ST7: variants seen among roughly 807,000 people sequenced by gnomAD.
ST7 encodes suppressor of tumorigenicity 7 protein.
ST7 carries 28 observed loss-of-function variants against 78.7 expected under a neutral mutation model. That is an observed-to-expected ratio of 0.36 (90% confidence interval 0.26 to 0.49). The LOEUF (loss-of-function observed/expected upper bound fraction) is 0.49. ST7 is among the 20% of genes least tolerant of loss of function. The pLI is 0.99. For synonymous variants in ST7, 247 were observed against 249.6 expected (o/e 0.99, Z 0.10); for missense variants, 418 against 696.0 (o/e 0.60, Z 4.49).
At chr7:117,228,590 G>A (rs949135061) in intron 15 of ST7, among the ~76,000 whole-genome samples, 2 of 152,120 alleles carry the variant, frequency 1.3e-5, no homozygotes, top group African/African-American at 4.8e-5. Context: ...TGAAACAACA[G>A]GACAGATTCT....
In ST7 at chr7:117,111,872, A is replaced by G. The variant is rs1394519238; in HGVS notation, c.235-7689A>G. On this transcript the variant is annotated intron_variant, in intron 2 of 15. Coordinates refer to ENST00000323984, the MANE Select transcript of ST7 (RefSeq NM_001369598.1). ...TTCGCTTTTGAGAGTGGTAAGGTGG[A>G]TATGTGCAGAAAATGCTCCCCTTAA... is the stretch of plus-strand genomic sequence containing the variant. 2.0e-5 allele frequency among the ~76,000 whole-genome samples: 3 copies of G among 152,188 alleles called. 1 individual carries two copies. Among genetic ancestry groups the G allele is most frequent in the Admixed American group, 2.0e-4 (3 of 15,276 alleles).
intron 1 of ST7, among the ~76,000 whole-genome samples, chr7:116,961,551 C>T (rs1562978532): frequency 1.7e-5 from 2 of 118,942 alleles, no homozygotes; most frequent in Non-Finnish European, 1.7e-5. Context: ...TAGCTGTATT[C>T]CTACGTGTGT....
At chr7:117,009,647 C>G (rs991951105) in intron 1 of ST7, among the ~76,000 whole-genome samples, 2 of 152,126 alleles carry the variant, frequency 1.3e-5, no homozygotes, top group African/African-American at 4.8e-5. Flanking sequence ...TAATGTTTCT[C>G]ATGACTGCTA....
chr7:117,177,476 CTTTG>C (rs1326803197), intron 10 of ST7, among the ~76,000 whole-genome samples: 1 of 152,172 alleles, frequency 6.6e-6, no homozygotes, highest in Non-Finnish European at 1.5e-5. Flanking sequence ...AGGGAAACTG[CTTTG>C]TTTGGCTTCA....
At chr7:117,021,305 T>C (rs1192183827) in intron 1 of ST7, among the ~76,000 whole-genome samples, 1 of 152,226 alleles carries the variant, frequency 6.6e-6, no homozygotes, top group Non-Finnish European at 1.5e-5. Context: ...ACAATGGATA[T>C]TTTAAAAATT....
intron 1 of ST7, among the ~76,000 whole-genome samples, chr7:117,030,316 T>G (rs1368725614): frequency 6.6e-6 from 1 of 152,224 alleles, no homozygotes. Context: ...GAACATATAG[T>G]AAATGTAAAA....
intron 1 of ST7, among the ~76,000 whole-genome samples, chr7:117,063,320 A>C (rs1223721023): frequency 2.0e-5 from 3 of 152,226 alleles, no homozygotes; most frequent in Non-Finnish European, 4.4e-5. Flanking sequence ...ACAAAGATTA[A>C]ATGTTTTCAC....
intron 1 of ST7, among the ~76,000 whole-genome samples, chr7:117,097,908 A>ATATATATTTTTTTTTTTT: frequency 3.3e-5 from 1 of 30,020 alleles, no homozygotes; most frequent in Non-Finnish European, 5.4e-5. Flanking sequence ...ATATATATAT[A>ATATATATTTTTTTTTTTT]TTTTTTTTTT....
intron 1 of ST7, among the ~76,000 whole-genome samples, chr7:116,957,300 A>G (rs1792556345): frequency 6.6e-6 from 1 of 152,212 alleles, no homozygotes; most frequent in African/African-American, 2.4e-5. Flanking sequence ...TGAATTTTAA[A>G]AAAGAAAGGG....
rs141235018 is a variant in ST7 at position 117,053,962 on chromosome 7, C to T, written c.152-45800C>T. 1.8e-4 allele frequency among the ~76,000 whole-genome samples: 28 copies of T among 152,012 alleles called. No individual in the cohort carries two copies. The East Asian group carries it at 4.3e-3, about 23-fold the overall frequency. On this transcript the variant is annotated intron_variant, in intron 1 of 15. Coordinates refer to ENST00000323984, the MANE Select transcript of ST7 (RefSeq NM_001369598.1). Reference sequence around the variant, plus strand: ...AAGTGATTCTCCTGTCTCAGCCTCCCGAGTAGCTGGGATTACAGGCATGCT... The same window carrying T: ...AAGTGATTCTCCTGTCTCAGCCTCCTGAGTAGCTGGGATTACAGGCATGCT...
intron 15 of ST7, chr7:117,222,722 T>C: frequency 1.4e-6 from 1 of 702,930 alleles, no homozygotes; most frequent in Middle Eastern, 2.5e-4. Flanking sequence ...TTACTGATCT[T>C]GCCACAGATG....
At chr7:116,990,034 G>A (rs2116377645) in intron 1 of ST7, among the ~76,000 whole-genome samples, 1 of 152,130 alleles carries the variant, frequency 6.6e-6, no homozygotes, top group African/African-American at 2.4e-5. Flanking sequence ...TCTGCCTCCC[G>A]GGTTCAAGTG....
At chr7:117,053,319 C>T (rs897729598) in intron 1 of ST7, among the ~76,000 whole-genome samples, 3 of 152,194 alleles carry the variant, frequency 2.0e-5, no homozygotes, top group Non-Finnish European at 2.9e-5. Flanking sequence ...AAGCCATTTC[C>T]GGGCTCTCAA....
At chr7:117,167,373 G>T (rs552369520) in intron 9 of ST7, among the ~76,000 whole-genome samples, 1 of 151,766 alleles carries the variant, frequency 6.6e-6, no homozygotes, top group African/African-American at 2.4e-5. Context: ...CTCGGGGGTT[G>T]CAGGGCCTCT....
chr7:117,091,920 C>T (rs1429878774), intron 1 of ST7, among the ~76,000 whole-genome samples: 1 of 152,120 alleles, frequency 6.6e-6, no homozygotes, highest in African/African-American at 2.4e-5. Flanking sequence ...CAGTCTCACT[C>T]AGGCTGTTGG....
chr7:117,123,454 T>G (rs1803573149), intron 3 of ST7, among the ~76,000 whole-genome samples: 1 of 152,190 alleles, frequency 6.6e-6, no homozygotes, highest in Admixed American at 6.5e-5. Context: ...GTGATCTTTA[T>G]CTGCGGGCCA....
At chr7:117,177,135 G>A (rs1228883263) in intron 10 of ST7, among the ~76,000 whole-genome samples, 1 of 152,172 alleles carries the variant, frequency 6.6e-6, no homozygotes, top group Non-Finnish European at 1.5e-5. Context: ...CTTTGCACTG[G>A]ATGCTCTACA....
intron 1 of ST7, among the ~76,000 whole-genome samples, chr7:117,094,840 T>G (rs910940741): frequency 1.3e-5 from 2 of 152,218 alleles, no homozygotes; most frequent in Non-Finnish European, 2.9e-5. Flanking sequence ...CCTAAATAAC[T>G]TAGTTTCTCT....
At chr7:117,191,882 G>A (rs1584557891) in intron 12 of ST7, 2 of 152,298 alleles carry the variant, frequency 1.3e-5, no homozygotes, top group East Asian at 3.9e-4. Context: ...GGGGGTATGA[G>A]TGAGAGAGAG....
Sources: gnomAD v4.1 joint callset for allele counts (sites outside exome capture counted in the v4.1 genomes callset) on GRCh38, gnomAD v4.1.1 for gene constraint, MANE v1.5 for transcripts, NCBI Gene and HGNC (gene_info 2026-07-23, HGNC 2026-07-21) for gene names.